FARS2: variants seen among roughly 807,000 people sequenced by gnomAD.
FARS2 encodes the protein phenylalanine--tRNA ligase, mitochondrial.
In FARS2, 40 loss-of-function variants were observed where a neutral mutation model predicts 46.4. The observed-to-expected ratio is 0.86, with a 90% CI of 0.67 to 1.12. The LOEUF (loss-of-function observed/expected upper bound fraction) is 1.12, where lower values mean the gene tolerates loss of function less well. Among genes scored for constraint, FARS2 ranks in the 50% most tolerant of loss-of-function variants. The pLI is 0.00. For missense variants in FARS2, 513 were observed against 567.9 expected (o/e 0.90, Z 0.98); for synonymous variants, 234 against 214.9 (o/e 1.09, Z -0.78).
At chr6:5,380,151 A>T (rs578218003) in intron 2 of FARS2, among the ~76,000 whole-genome samples, 1 of 152,344 alleles carries the variant, frequency 6.6e-6, no homozygotes, top group South Asian at 2.1e-4. Context: ...CGATCTTAGT[A>T]GATGGAATAC....
chr6:5,296,276 G>A (rs1478410811), intron 1 of FARS2, among the ~76,000 whole-genome samples: 2 of 151,156 alleles, frequency 1.3e-5, no homozygotes, highest in African/African-American at 4.9e-5. Context: ...TGAGTAGCTG[G>A]GACTGCAGGT....
At chr6:5,568,181 T>A (rs1368851004) in intron 5 of FARS2, among the ~76,000 whole-genome samples, 1 of 152,214 alleles carries the variant, frequency 6.6e-6, no homozygotes, top group African/African-American at 2.4e-5. Context: ...GCATTTTCTT[T>A]CACTCTGTCT....
chr6:5,322,486 A>G (rs1171552597), intron 1 of FARS2, among the ~76,000 whole-genome samples: 1 of 152,180 alleles, frequency 6.6e-6, no homozygotes, highest in African/African-American at 2.4e-5. Flanking sequence ...ATGAAGGCAG[A>G]TTGTTTCCAT....
At chr6:5,359,690 C>T (rs1758181211) in intron 1 of FARS2, among the ~76,000 whole-genome samples, 1 of 152,246 alleles carries the variant, frequency 6.6e-6, no homozygotes, top group Non-Finnish European at 1.5e-5. Flanking sequence ...CAAACTCTTA[C>T]TGATGGTTAT....
intron 5 of FARS2, among the ~76,000 whole-genome samples, chr6:5,600,357 GC>G (rs1049254943): frequency 1.5e-4 from 23 of 152,196 alleles, no homozygotes; most frequent in Non-Finnish European, 3.4e-4. Flanking sequence ...AACAAAAGTT[GC>G]CTGAGTAGGA....
chr6:5,315,738 T>TTTCTTTCTTTCTTCCTTTCTTTCTTTC, intron 1 of FARS2, among the ~76,000 whole-genome samples: 1 of 125,254 alleles, frequency 8.0e-6, no homozygotes, highest in Non-Finnish European at 1.7e-5. Context: ...TTCTTTCTTT[T>TTTCTTTCTTTCTTCCTTTCTTTCTTTC]TTCCTTTCTT....
chr6:5,288,186 A>T (rs1358816949), intron 1 of FARS2, among the ~76,000 whole-genome samples: 1 of 152,142 alleles, frequency 6.6e-6, no homozygotes, highest in African/African-American at 2.4e-5. Context: ...GAGTCCAGTG[A>T]TCATCTTTCA....
intron 1 of FARS2, among the ~76,000 whole-genome samples, chr6:5,336,851 T>G (rs754097674): frequency 6.6e-6 from 1 of 152,198 alleles, no homozygotes; most frequent in Non-Finnish European, 1.5e-5. Context: ...TTTTGATGTT[T>G]GTAAACATCA....
intron 4 of FARS2, among the ~76,000 whole-genome samples, chr6:5,524,490 A>G (rs1467118600): frequency 6.6e-6 from 1 of 152,246 alleles, no homozygotes; most frequent in Non-Finnish European, 1.5e-5. Flanking sequence ...GTGAAGATTC[A>G]TAAGACAAAT....
chr6:5,253,557 TGCGACAACTC>T, the FARS2 span, among the ~76,000 whole-genome samples: 1 of 152,166 alleles, frequency 6.6e-6, no homozygotes, highest in Non-Finnish European at 1.5e-5. Context: ...AGCGACAACT[TGCGACAACTC>T]ATTTGGCCTA....
At chr6:5,754,317 A>G (rs1302748909) in intron 6 of FARS2, among the ~76,000 whole-genome samples, 1 of 152,126 alleles carries the variant, frequency 6.6e-6, no homozygotes, top group East Asian at 1.9e-4. Context: ...GAGTAGTCGG[A>G]TCTCTGGGAA....
intron 4 of FARS2, chr6:5,457,076 C>G (rs1187270060): frequency 6.6e-6 from 1 of 152,346 alleles, no homozygotes; most frequent in African/African-American, 2.4e-5. Context: ...AGCCAGGCCC[C>G]GAGCCACCCT....
At chr6:5,623,165 C>T (rs1775859631) in intron 6 of FARS2, among the ~76,000 whole-genome samples, 1 of 152,148 alleles carries the variant, frequency 6.6e-6, no homozygotes, top group African/African-American at 2.4e-5. Context: ...ATGTGAAATG[C>T]TTTGAAAATT....
chr6:5,636,982 A>G (rs948990357), intron 6 of FARS2, among the ~76,000 whole-genome samples: 17 of 152,262 alleles, frequency 1.1e-4, no homozygotes, highest in African/African-American at 4.1e-4. Flanking sequence ...CCAGATGGCA[A>G]GAAGTCCATA....
At chr6:5,620,483 A>G (rs1173979014) in intron 6 of FARS2, among the ~76,000 whole-genome samples, 3 of 152,190 alleles carry the variant, frequency 2.0e-5, no homozygotes, top group Non-Finnish European at 4.4e-5. Context: ...GACAAGCTGG[A>G]CAAATTAACC....
chr6:5,344,472 G>A (rs1187197159), intron 1 of FARS2, among the ~76,000 whole-genome samples: 21 of 152,148 alleles, frequency 1.4e-4, no homozygotes, highest in Admixed American at 1.4e-3. Flanking sequence ...CTGCTGGGCT[G>A]AAAGGCCAAG....
At chr6:5,627,772 A>T (rs768580289) in intron 6 of FARS2, among the ~76,000 whole-genome samples, 4 of 152,232 alleles carry the variant, frequency 2.6e-5, no homozygotes, top group Non-Finnish European at 5.9e-5. Context: ...AACGTATGTT[A>T]TATTGTTTTT....
chr6:5,731,475 C>T lies in FARS2; in HGVS notation c.1218-39816C>T, dbSNP rs373891182. Among the ~76,000 whole-genome samples the T allele has an allele frequency of 1.7e-3, 252 of 152,302 alleles. 2 individuals are homozygous for T. The highest frequency in any genetic ancestry group is 5.5e-3 in the African/African-American group (230 of 41,564). ...TCCATGTCTCCTGCTTCTGCACTCA[C>T]GCCCTGGGCTCCTGCCCCTTGGATT... On this transcript the variant is annotated intron_variant, in intron 6 of 6. Coordinates refer to ENST00000274680, the MANE Select transcript of FARS2 (RefSeq NM_006567.5).
intron 1 of FARS2, among the ~76,000 whole-genome samples, chr6:5,286,510 C>T (rs1374099027): frequency 6.6e-6 from 1 of 152,126 alleles, no homozygotes; most frequent in African/African-American, 2.4e-5. Flanking sequence ...TTGCCTGCCT[C>T]GGTCTCCCAG....
Sources: gnomAD v4.1 joint callset for allele counts (sites outside exome capture counted in the v4.1 genomes callset) on GRCh38, gnomAD v4.1.1 for gene constraint, MANE v1.5 for transcripts, NCBI Gene and HGNC (gene_info 2026-07-23, HGNC 2026-07-21) for gene names.